Variants in LRRC58 observed in about 807,000 individuals in gnomAD.
The protein encoded by LRRC58 is leucine rich repeat containing 58, also known as leucine-rich repeat-containing protein 58.
Under a neutral mutation model 30.6 loss-of-function variants are expected in LRRC58, and 18 were observed. The ratio of observed to expected loss-of-function variants is 0.59; its 90% CI spans 0.41 to 0.87. LRRC58 has a LOEUF of 0.87. Among genes scored for constraint, LRRC58 ranks in the 40% least tolerant of loss-of-function variants. LRRC58 has a pLI of 0.00. For synonymous variants in LRRC58, 221 were observed against 206.0 expected, an observed-to-expected ratio of 1.07 and a Z score of -0.62; for missense variants, 420 against 468.4, an observed-to-expected ratio of 0.90 and a Z score of 0.95.
At chr3:120,346,450 C>G (rs6808913) in intron 1 of LRRC58, among the ~76,000 whole-genome samples, 18,030 of 152,126 alleles carry the variant, frequency 0.12, 1,164 homozygotes, top group African/African-American at 0.16. Flanking sequence ...TTTCTCTGAG[C>G]TTCAGTTTCT....
At position 120,341,253 on chromosome 3, in the gene LRRC58, G is replaced by C. The variant is rs894611498; in HGVS notation, c.501-5300C>G. Reference sequence around the variant, plus strand: ...GAATAGAATAGAACAGAACAGAACAGAATACAATATTTGGAGTCCAAATAA... The same window carrying C: ...GAATAGAATAGAACAGAACAGAACACAATACAATATTTGGAGTCCAAATAA... On this transcript the variant is annotated intron_variant, in intron 1 of 3. Coordinates refer to ENST00000295628, the MANE Select transcript of LRRC58 (RefSeq NM_001099678.2). 5.3e-5 allele frequency among the ~76,000 whole-genome samples: 8 copies of C among 152,052 alleles called. No homozygotes were observed. In the South Asian group the frequency reaches 1.0e-3, roughly 20 times the overall value.
intron 3 of LRRC58, among the ~76,000 whole-genome samples, chr3:120,331,650 T>C (rs1344099853): frequency 1.3e-5 from 2 of 151,772 alleles, no homozygotes; most frequent in Non-Finnish European, 3.0e-5. Flanking sequence ...GAAAGGACAC[T>C]GTGTACCTAG....
At chr3:120,334,375 G>A (rs909406106) in intron 3 of LRRC58, among the ~76,000 whole-genome samples, 5 of 152,100 alleles carry the variant, frequency 3.3e-5, no homozygotes, top group African/African-American at 4.8e-5. Flanking sequence ...GGGTGTTGTG[G>A]TGGGCGCCTG....
chr3:120,346,901 G>A (rs937173241), intron 1 of LRRC58, among the ~76,000 whole-genome samples: 6 of 152,172 alleles, frequency 3.9e-5, no homozygotes, highest in African/African-American at 1.4e-4. Context: ...TGTGCACTTA[G>A]AATAAAATCC....
chr3:120,344,485 G>A (rs546654029), intron 1 of LRRC58, among the ~76,000 whole-genome samples: 2 of 152,290 alleles, frequency 1.3e-5, no homozygotes, highest in South Asian at 2.1e-4. Flanking sequence ...TGAGTCATCT[G>A]TCTCCTTTCT....
chr3:120,340,433 C>T (rs997184046), intron 1 of LRRC58, among the ~76,000 whole-genome samples: 3 of 149,960 alleles, frequency 2.0e-5, no homozygotes, highest in Non-Finnish European at 3.0e-5. Context: ...AAGTTCCTTC[C>T]TTTATCTCTC....
chr3:120,338,345 C>T (rs927020977), intron 1 of LRRC58, among the ~76,000 whole-genome samples: 1 of 152,132 alleles, frequency 6.6e-6, no homozygotes, highest in African/African-American at 2.4e-5. Flanking sequence ...ATATAAAATG[C>T]CCAGTTAACA....
At chr3:120,345,170 T>C (rs938209284) in intron 1 of LRRC58, among the ~76,000 whole-genome samples, 7 of 152,068 alleles carry the variant, frequency 4.6e-5, no homozygotes, top group Non-Finnish European at 8.8e-5. Context: ...ATAGAAAACA[T>C]AGATATCTTG....
Position 120,335,830 on chromosome 3 carries a change from A to C in LRRC58, c.624T>G (p.Leu208=). The part of the protein sequence containing the change: ...DNKIQSIPPQ[L]SQLHSLRSLS... ...AAATGCCTGGAACTACTCACTGTGA[A>C]AGTTGAGGAGGTATGCTTTGGATTT... Residue 208 remains leucine (L), a synonymous_variant, in exon 2 of 4, where the codon CTT becomes CTG. Transcript: ENST00000295628. 1 of 1,611,150 alleles carries C rather than the reference A, an allele frequency of 6.2e-7. No homozygotes were observed. Among genetic ancestry groups the C allele is most frequent in the Non-Finnish European group, 8.5e-7 (1 of 1,177,786 alleles).
chr3:120,345,553 G>A (rs1483297273), intron 1 of LRRC58, among the ~76,000 whole-genome samples: 1 of 152,182 alleles, frequency 6.6e-6, no homozygotes. Flanking sequence ...GTGTTTGAAG[G>A]CTGAACCACA....
At chr3:120,344,641 T>G (rs2107627260) in intron 1 of LRRC58, among the ~76,000 whole-genome samples, 1 of 152,310 alleles carries the variant, frequency 6.6e-6, no homozygotes, top group East Asian at 1.9e-4. Flanking sequence ...AAGGAAGGCA[T>G]TACTTAAGAA....
At chr3:120,347,687 G>A (rs890415004) in intron 1 of LRRC58, among the ~76,000 whole-genome samples, 1 of 150,778 alleles carries the variant, frequency 6.6e-6, no homozygotes, top group African/African-American at 2.4e-5. Flanking sequence ...CACCGCGCCC[G>A]GCCTTCCCAG....
rs756674201 is a variant in LRRC58 at position 120,334,952 on chromosome 3, G to C, written c.817C>G (p.Arg273Gly). 9.3e-6 allele frequency: 15 copies of C among 1,613,594 alleles called. No homozygotes were observed. Among genetic ancestry groups the C allele is most frequent in the Non-Finnish European group, 1.3e-5 (15 of 1,179,778 alleles). ...TCATAGGGAGTGTAGGAAATATTTCGAATCTTAATGGTCCGTGCAGCTAAT... is the reference window on the plus strand; with the variant it reads ...TCATAGGGAGTGTAGGAAATATTTCCAATCTTAATGGTCCGTGCAGCTAAT... ...LELAARTIKIRNISYTPYDLP... is the reference protein window; with the variant it reads ...LELAARTIKIGNISYTPYDLP... Residue 273 changes from arginine to glycine, a missense_variant, in exon 3 of 4, where the codon CGA becomes GGA. Arg to Gly is a moderately radical substitution (Grantham distance 125). Transcript: ENST00000295628.
rs1375864276 is a variant in LRRC58 at position 120,349,317 on chromosome 3, G to T, written c.-74C>A. 5 of 1,314,194 alleles carry T rather than the reference G, an allele frequency of 3.8e-6. No homozygotes were observed. The highest frequency in any genetic ancestry group is 1.6e-5 in the African/African-American group (1 of 64,420). 81.4% of individuals were successfully genotyped at this position (1,314,194 alleles called of 1,614,324 possible). Reference sequence around the variant, plus strand: ...GCGGTCCAGAGGCCGGGAGCTCTGCGGCGCCCCGGAACCTGAACCGAGGGC... The same window carrying T: ...GCGGTCCAGAGGCCGGGAGCTCTGCTGCGCCCCGGAACCTGAACCGAGGGC... On this transcript the variant is annotated 5_prime_UTR_variant, in exon 1 of 4. Transcript: ENST00000295628.
intron 1 of LRRC58, among the ~76,000 whole-genome samples, chr3:120,343,828 G>A (rs56048284): frequency 0.043 from 6,560 of 152,102 alleles, 356 homozygotes; most frequent in African/African-American, 0.13. Flanking sequence ...TCAGGAGTTC[G>A]AGACCAGCCT....
chr3:120,342,244 C>T (rs2107626070), intron 1 of LRRC58, among the ~76,000 whole-genome samples: 1 of 152,268 alleles, frequency 6.6e-6, no homozygotes, highest in South Asian at 2.1e-4. Flanking sequence ...GGCCAAGCTG[C>T]CAGTCGGGCA....
At chr3:120,345,640 G>A (rs1935958490) in intron 1 of LRRC58, among the ~76,000 whole-genome samples, 1 of 152,216 alleles carries the variant, frequency 6.6e-6, no homozygotes, top group African/African-American at 2.4e-5. Context: ...GTAAATAGAA[G>A]GGGATGAATC....
chr3:120,342,916 T>C lies in LRRC58; in HGVS notation c.500+5828A>G, dbSNP rs571643369. Among the ~76,000 whole-genome samples the C allele has an allele frequency of 2.0e-5, 3 of 152,304 alleles. No individual in the cohort carries two copies. The South Asian group carries it at 6.2e-4, about 32-fold the overall frequency. On this transcript the variant is annotated intron_variant, in intron 1 of 3. Transcript: ENST00000295628. ...TCCCAGCCTCCAGAACTGTGACACATAAATTTGTGTTGTTTATAAGTCACT... is the reference window on the plus strand; with the variant it reads ...TCCCAGCCTCCAGAACTGTGACACACAAATTTGTGTTGTTTATAAGTCACT...
intron 1 of LRRC58, among the ~76,000 whole-genome samples, chr3:120,340,849 G>A (rs1431324833): frequency 2.0e-5 from 3 of 151,980 alleles, no homozygotes; most frequent in Non-Finnish European, 4.4e-5. Context: ...GTGAGCAGAG[G>A]TGGCACCACT....
Sources: allele counts gnomAD v4.1 joint callset (sites outside exome capture counted in the v4.1 genomes callset), GRCh38; gene constraint gnomAD v4.1.1; transcripts MANE v1.5; gene names NCBI Gene and HGNC (gene_info 2026-07-23, HGNC 2026-07-21).